The following BRF1 variants were observed in gnomAD, a reference collection of about 807,000 sequenced individuals.
BRF1 encodes the protein transcription factor IIIB 90 kDa subunit.
Under a neutral mutation model 81.7 loss-of-function variants are expected in BRF1, and 59 were observed. The observed-to-expected ratio is 0.72, with a 90% CI of 0.59 to 0.90. BRF1 has a LOEUF of 0.90. Among genes scored for constraint, BRF1 ranks in the 40% least tolerant of loss-of-function variants. The pLI, the probability that BRF1 is intolerant of heterozygous loss-of-function variation, is 0.00. For synonymous variants in BRF1, 491 were observed against 395.6 expected, an observed-to-expected ratio of 1.24 and a Z score of -2.86; for missense variants, 1,050 against 936.3, an observed-to-expected ratio of 1.12 and a Z score of -1.58.
chr14:105,257,460 C>T (rs1009579180), intron 3 of BRF1, among the ~76,000 whole-genome samples: 1 of 152,224 alleles, frequency 6.6e-6, no homozygotes, highest in African/African-American at 2.4e-5. Flanking sequence ...TCTTGCAACT[C>T]CATGCAGAAC....
At chr14:105,219,094 C>T (rs370025401) in intron 13 of BRF1, 41 bp from the exon 14 acceptor site, 519 of 1,613,880 alleles carry the variant, frequency 3.2e-4, no homozygotes, top group Non-Finnish European at 3.8e-4. Context: ...TGAGGGCCCA[C>T]GCCCCAGGCC....
At position 105,211,360 on chromosome 14, in the gene BRF1, G is replaced by A. The variant is rs587639986; in HGVS notation, c.1825-67C>T. ...CCTGTGTATCTCAACAGACCCCTCA[G>A]ACCCACCAGGGCTGGCCCAGGATGC... On this transcript the variant is annotated intron_variant, in intron 16 of 17. Coordinates refer to ENST00000547530, the MANE Select transcript of BRF1 (RefSeq NM_001519.4). 6 of 1,398,266 alleles carry A rather than the reference G, an allele frequency of 4.3e-6. No homozygotes were observed. In the East Asian group the frequency reaches 1.5e-4, roughly 36 times the overall value. The allele number at this position is 1,398,266 out of a possible 1,614,324, so 86.6% of individuals were successfully genotyped here. A position where few individuals can be genotyped will look rare whatever the true frequency, so the allele number is the denominator to read the frequency against.
chr14:105,246,649 GTT>G (rs1442074458), intron 5 of BRF1, among the ~76,000 whole-genome samples: 8 of 149,420 alleles, frequency 5.4e-5, no homozygotes. Flanking sequence ...TAGAGATGGG[GTT>G]TCACCATGTT....
At chr14:105,287,010 C>T (rs946508496) in intron 1 of BRF1, among the ~76,000 whole-genome samples, 2 of 152,200 alleles carry the variant, frequency 1.3e-5, no homozygotes, top group Non-Finnish European at 2.9e-5. Flanking sequence ...GCAGGGGACG[C>T]AGGTACCATC....
chr14:105,307,743 TAAG>T (rs1046358908), intron 1 of BRF1, among the ~76,000 whole-genome samples: 1 of 152,228 alleles, frequency 6.6e-6, no homozygotes, highest in African/African-American at 2.4e-5. Flanking sequence ...ATAACAGGGA[TAAG>T]AATAGCCCAC....
intron 15 of BRF1, chr14:105,212,539 A>C (rs1345024419): frequency 8.5e-6 from 2 of 235,236 alleles, no homozygotes; most frequent in East Asian, 2.2e-4. Flanking sequence ...GTGCTTCCCC[A>C]ACCCTCACCA....
chr14:105,297,432 T>C (rs961922780), intron 1 of BRF1, among the ~76,000 whole-genome samples: 1 of 151,314 alleles, frequency 6.6e-6, no homozygotes, highest in Admixed American at 6.6e-5. Flanking sequence ...TAGCTGGGTG[T>C]GGTGGCGTGT....
rs72711559 is a variant in BRF1, at chr14:105,284,587, C to T, written c.265+1709G>A. Among the ~76,000 whole-genome samples the T allele has an allele frequency of 2.0e-5, 3 of 152,254 alleles. No homozygotes were observed. Among genetic ancestry groups the T allele is most frequent in the Non-Finnish European group, 2.9e-5 (2 of 68,004 alleles). ...CTAAGGCTGCAGGACATGGCTGCAC[C>T]GATCACAAGAATCCCTCACGTGGTC... is the stretch of plus-strand genomic sequence containing the variant. On this transcript the variant is annotated intron_variant, in intron 2 of 17. Coordinates refer to ENST00000547530, the MANE Select transcript of BRF1 (RefSeq NM_001519.4). The surrounding 1 kb of genome is among the most constrained non-coding windows in gnomAD (Gnocchi z 4.0).
At chr14:105,229,317 A>G (rs587610732) in intron 6 of BRF1, among the ~76,000 whole-genome samples, 1 of 152,298 alleles carries the variant, frequency 6.6e-6, no homozygotes, top group Admixed American at 6.5e-5. Context: ...CAGGTTCACC[A>G]AGGCCACAGT....
At chr14:105,258,256 A>G (rs1007867850) in intron 3 of BRF1, among the ~76,000 whole-genome samples, 1 of 152,194 alleles carries the variant, frequency 6.6e-6, no homozygotes, top group African/African-American at 2.4e-5. Context: ...CGGGAGGCCG[A>G]GGTGGGTGGA....
rs767435284 is a variant in BRF1, at chr14:105,221,620, C to T, written c.1315+28G>A. ...CTGAAAGATCTCCCGATGACCTCAG[C>T]GTCCCCCAGGGCCCCATCAGAACTC... On this transcript the variant is annotated intron_variant, in intron 11 of 17. Coordinates refer to ENST00000547530, the MANE Select transcript of BRF1 (RefSeq NM_001519.4). 1.7e-5 allele frequency: 27 copies of T among 1,592,620 alleles called. 1 individual carries two copies. The South Asian group carries it at 2.2e-4, about 13-fold the overall frequency.
At chr14:105,291,262 G>C (rs587632528) in intron 1 of BRF1, among the ~76,000 whole-genome samples, 1 of 152,196 alleles carries the variant, frequency 6.6e-6, no homozygotes, top group Non-Finnish European at 1.5e-5. Context: ...CCGCCGAACA[G>C]ACAGAAAGGC....
In BRF1 at chr14:105,271,219, G is replaced by A. The variant is rs1210452950; in HGVS notation, c.439+1502C>T. 6.6e-6 allele frequency among the ~76,000 whole-genome samples: 1 copy of A among 152,234 alleles called. No homozygotes were observed. The highest frequency in any genetic ancestry group is 2.4e-5 in the African/African-American group (1 of 41,460). On this transcript the variant is annotated intron_variant, in intron 3 of 17. Transcript: ENST00000547530. The surrounding 1 kb of genome is among the most constrained non-coding windows in gnomAD (Gnocchi z 5.5). ...GGCAGGCAGAGTAACAGAGAAGAAG[G>A]GAGACACATCTAACGACGAATTCAA...
chr14:105,266,085 C>CA (rs201373392), intron 3 of BRF1, among the ~76,000 whole-genome samples: 1,552 of 151,836 alleles, frequency 0.01, 32 homozygotes, highest in African/African-American at 0.036. Context: ...AAAAACAAAA[C>CA]AAACAAAAAA....
Position 105,217,789 on chromosome 14 carries a change from A to G in BRF1, c.1527T>C (p.Ser509=), listed in dbSNP as rs988511058. The G allele has an allele frequency of 1.2e-6, 2 of 1,611,880 alleles. No homozygotes were observed. Among genetic ancestry groups the G allele is most frequent in the Admixed American group, 3.3e-5 (2 of 60,016 alleles). The part of the protein sequence containing the change: ...GIYKEHKPKK[S]CKRREPIQAS... ...CCTGAATTGGCTCCCGTCGCTTGCA[A>G]GACTTCTTGGGCTTGAGGGAAACAA... The change falls in exon 15 of 18, where the codon TCT becomes TCC. Residue 509 remains serine (S), a synonymous_variant. Transcript: ENST00000547530.
At position 105,209,916 on chromosome 14, in the gene BRF1, G is replaced by T; in HGVS notation, c.*635C>A. 1 of 391,796 alleles carries T rather than the reference G, an allele frequency of 2.6e-6. No individual in the cohort carries two copies. The allele number at this position is 391,796 out of a possible 1,614,324, so 24.3% of individuals were successfully genotyped here. On this transcript the variant is annotated 3_prime_UTR_variant, in exon 18 of 18. Coordinates refer to ENST00000547530, the MANE Select transcript of BRF1 (RefSeq NM_001519.4). ...AGGCGGTGCAGGCAGCGGGGAGGGGGGTCTGGAGGAGGCAGGGGTGGGGGT... is the reference window on the plus strand; with the variant it reads ...AGGCGGTGCAGGCAGCGGGGAGGGGTGTCTGGAGGAGGCAGGGGTGGGGGT...
chr14:105,240,884 G>C (rs587610226), intron 6 of BRF1, among the ~76,000 whole-genome samples: 2 of 149,866 alleles, frequency 1.3e-5, no homozygotes, highest in Non-Finnish European at 3.0e-5. Context: ...TGGCAGCCCT[G>C]TGGCACCCTC....
chr14:105,313,720 A>G (rs1182909331), intron 1 of BRF1, among the ~76,000 whole-genome samples: 1 of 152,250 alleles, frequency 6.6e-6, no homozygotes, highest in Non-Finnish European at 1.5e-5. Flanking sequence ...GACAAGACAC[A>G]GGGCGAAGAG....
At chr14:105,241,221 A>AGGACCCAG in intron 6 of BRF1, 44 bp downstream of exon 6, 1 of 1,600,924 alleles carries the variant, frequency 6.2e-7, no homozygotes, top group Non-Finnish European at 8.5e-7. Flanking sequence ...GTGTGAGGCC[A>AGGACCCAG]GGACCCAGAC....
Sources: gnomAD v4.1 joint callset for allele counts (sites outside exome capture counted in the v4.1 genomes callset) on GRCh38, gnomAD v4.1.1 for gene constraint, Gnocchi (gnomAD v3.1) non-coding constraint, MANE v1.5 for transcripts, NCBI Gene and HGNC (gene_info 2026-07-23, HGNC 2026-07-21) for gene names.